The following FBXO11 variants were observed in gnomAD, a reference collection of about 807,000 sequenced individuals.
FBXO11 encodes F-box protein 11, also known as F-box only protein 11.
FBXO11 carries 13 observed loss-of-function variants against 117.0 expected under a neutral mutation model. The observed-to-expected ratio is 0.11, with a 90% confidence interval of 0.07 to 0.18. The LOEUF is 0.18. Ranked by LOEUF, FBXO11 falls within the 10% of genes least tolerant of loss-of-function variation. FBXO11 has a pLI of 1.00. For synonymous variants in FBXO11, 490 were observed against 380.5 expected (o/e 1.29, Z -3.35); for missense variants, 767 against 1,164.4 (o/e 0.66, Z 4.97).
chr2:47,856,728 A>T (rs577106798), intron 1 of FBXO11, among the ~76,000 whole-genome samples: 1 of 152,352 alleles, frequency 6.6e-6, no homozygotes, highest in African/African-American at 2.4e-5. Context: ...TTTAACTTCA[A>T]CAATCAACCT....
At chr2:47,860,242 C>G (rs112679263) in intron 1 of FBXO11, among the ~76,000 whole-genome samples, 1 of 152,146 alleles carries the variant, frequency 6.6e-6, no homozygotes, top group Non-Finnish European at 1.5e-5. Flanking sequence ...ATTTTTATCA[C>G]TGTGCCCTGA....
intron 1 of FBXO11, among the ~76,000 whole-genome samples, chr2:47,847,028 G>A (rs752364884): frequency 9.2e-5 from 14 of 152,116 alleles, no homozygotes; most frequent in Admixed American, 1.3e-4. Flanking sequence ...CACTTCATCT[G>A]AGGCCAGGAG....
At position 47,813,396 on chromosome 2, in the gene FBXO11, A is replaced by AGGT; in HGVS notation, c.2084-22_2084-20dup. On this transcript the variant is annotated intron_variant, in intron 17 of 22. Coordinates refer to ENST00000403359, the MANE Select transcript of FBXO11 (RefSeq NM_001190274.2). ...CCTAGACCTATAAATGCAAAAATGT[A>AGGT]GGTTATCTAGAAGGTATATTTCTTT... 8.6e-7 allele frequency: 1 copy of AGGT among 1,164,226 alleles called. No homozygotes were observed. The highest frequency in any genetic ancestry group is 1.2e-6 in the Non-Finnish European group (1 of 831,344). 72.1% of individuals were successfully genotyped at this position (1,164,226 alleles called of 1,614,324 possible).
intron 1 of FBXO11, among the ~76,000 whole-genome samples, chr2:47,873,599 C>G (rs369644160): frequency 1.3e-5 from 2 of 152,128 alleles, no homozygotes; most frequent in South Asian, 4.1e-4. Flanking sequence ...ATTCCTTAGT[C>G]TTTTGGGGTT....
intron 1 of FBXO11, among the ~76,000 whole-genome samples, chr2:47,894,528 A>G (rs1442511668): frequency 1.3e-5 from 2 of 152,202 alleles, no homozygotes; most frequent in African/African-American, 2.4e-5. Flanking sequence ...AGAATCACAT[A>G]TTAAAGTCCA....
chr2:47,845,716 G>A (rs2651767), intron 1 of FBXO11, among the ~76,000 whole-genome samples: 28,720 of 151,902 alleles, frequency 0.19, 3,318 homozygotes, highest in Middle Eastern at 0.3. Context: ...CTCTGAGGGC[G>A]AGGCAGGGTA....
chr2:47,843,428 A>G (rs1374610003), intron 1 of FBXO11, among the ~76,000 whole-genome samples: 1 of 149,578 alleles, frequency 6.7e-6, no homozygotes, highest in Non-Finnish European at 1.5e-5. Flanking sequence ...ATTTGTAGTT[A>G]ATCTTTTTTT....
At chr2:47,900,553 T>A (rs1225128150) in intron 1 of FBXO11, among the ~76,000 whole-genome samples, 2 of 119,912 alleles carry the variant, frequency 1.7e-5, no homozygotes, top group African/African-American at 6.2e-5. Context: ...AAAAAGTATA[T>A]ACACGTATAT....
chr2:47,861,575 G>C (rs1674781524), intron 1 of FBXO11, among the ~76,000 whole-genome samples: 2 of 152,102 alleles, frequency 1.3e-5, no homozygotes, highest in Admixed American at 1.3e-4. Context: ...TCCCATCTCA[G>C]CCTCCTGAAG....
chr2:47,866,649 T>C (rs570915051), intron 1 of FBXO11, among the ~76,000 whole-genome samples: 1 of 152,118 alleles, frequency 6.6e-6, no homozygotes, highest in South Asian at 2.1e-4. Context: ...AATGTTTATA[T>C]TTTTAGTAGA....
At chr2:47,860,437 G>A (rs1674673811) in intron 1 of FBXO11, among the ~76,000 whole-genome samples, 2 of 147,832 alleles carry the variant, frequency 1.4e-5, no homozygotes, top group Admixed American at 6.7e-5. Context: ...TGGAGACAGA[G>A]TCTGGCTCTG....
At chr2:47,832,901 T>C in intron 8 of FBXO11, 21 bp from the exon 9 acceptor site, 6 of 1,611,050 alleles carry the variant, frequency 3.7e-6, no homozygotes, top group Non-Finnish European at 1.7e-6. Flanking sequence ...AAAATTTTGT[T>C]TGAAATAAAC....
Position 47,813,386 on chromosome 2 carries a change from G to A in FBXO11, c.2084-9C>T, listed in dbSNP as rs756708414. On this transcript the variant is annotated splice_polypyrimidine_tract_variant and intron_variant, in intron 17 of 22. Coordinates refer to ENST00000403359, the MANE Select transcript of FBXO11 (RefSeq NM_001190274.2). ...TTCTATACAGCCTAGACCTATAAAT[G>A]CAAAAATGTAGGTTATCTAGAAGGT... The A allele has an allele frequency of 6.8e-6, 10 of 1,465,714 alleles. No homozygotes were observed. The highest frequency in any genetic ancestry group is 8.3e-6 in the Non-Finnish European group (9 of 1,087,662). 90.8% of individuals were successfully genotyped at this position (1,465,714 alleles called of 1,614,324 possible).
At chr2:47,881,461 T>G (rs1676427093) in intron 1 of FBXO11, among the ~76,000 whole-genome samples, 1 of 152,200 alleles carries the variant, frequency 6.6e-6, no homozygotes, top group Non-Finnish European at 1.5e-5. Flanking sequence ...TTCCTCAACA[T>G]GAGTAATGTT....
intron 1 of FBXO11, among the ~76,000 whole-genome samples, chr2:47,860,080 A>C (rs572628476): frequency 6.6e-6 from 1 of 152,342 alleles, no homozygotes; most frequent in African/African-American, 2.4e-5. Flanking sequence ...AAGTAAGAGT[A>C]AACGGGCACT....
intron 1 of FBXO11, among the ~76,000 whole-genome samples, chr2:47,873,300 A>G (rs1675759640): frequency 6.6e-6 from 1 of 152,182 alleles, no homozygotes; most frequent in Non-Finnish European, 1.5e-5. Context: ...CTCCCACAAT[A>G]AGCCTCAGCT....
intron 1 of FBXO11, among the ~76,000 whole-genome samples, chr2:47,887,240 G>A (rs1676927232): frequency 6.7e-6 from 1 of 149,984 alleles, no homozygotes; most frequent in African/African-American, 2.5e-5. Context: ...AGCTGAGATT[G>A]TGCCATCGCA....
chr2:47,903,342 C>G lies in FBXO11; in HGVS notation c.232+2147G>C, dbSNP rs528749648. On this transcript the variant is annotated intron_variant, in intron 1 of 22. Transcript: ENST00000403359. ...GAATCTCCAAAACAGTTTGTACTAG[C>G]TGCAGAGAAGCAACAATTCTACAGT... Among the ~76,000 whole-genome samples the G allele has an allele frequency of 2.6e-5, 4 of 152,282 alleles. No homozygotes were observed. The South Asian group carries it at 8.3e-4, about 32-fold the overall frequency.
At position 47,841,305 on chromosome 2, in the gene FBXO11, G is replaced by C. The variant is rs914976222; in HGVS notation, c.233-1536C>G. On this transcript the variant is annotated intron_variant, in intron 1 of 22. Coordinates refer to ENST00000403359, the MANE Select transcript of FBXO11 (RefSeq NM_001190274.2). ...TGAATCACCAGGTAGCAAAGTATTAGATGAGGGGAAGCTTCTCTATAGAAA... is the reference window on the plus strand; with the variant it reads ...TGAATCACCAGGTAGCAAAGTATTACATGAGGGGAAGCTTCTCTATAGAAA... Among the ~76,000 whole-genome samples, 7 of 152,188 alleles carry C rather than the reference G, an allele frequency of 4.6e-5. No homozygotes were observed. In the South Asian group the frequency reaches 1.0e-3, roughly 22 times the overall value.
Sources: gnomAD v4.1 joint callset for allele counts (sites outside exome capture counted in the v4.1 genomes callset) on GRCh38, gnomAD v4.1.1 for gene constraint, MANE v1.5 for transcripts, NCBI Gene and HGNC (gene_info 2026-07-23, HGNC 2026-07-21) for gene names.